THRB: variants seen among roughly 807,000 people sequenced by gnomAD.
The protein encoded by THRB is nuclear receptor subfamily 1 group A member 2.
In THRB, 12 loss-of-function variants were observed where a neutral mutation model predicts 47.8. The observed-to-expected ratio is 0.25, with a 90% CI of 0.16 to 0.41. The LOEUF (loss-of-function observed/expected upper bound fraction) is 0.41. THRB is among the 10% of genes least tolerant of loss of function. THRB has a pLI of 1.00. For synonymous variants in THRB, 218 were observed against 212.2 expected (o/e 1.03, Z -0.24); for missense variants, 348 against 589.2 (o/e 0.59, Z 4.24).
chr3:24,353,639 A>G (rs1192607821), intron 1 of THRB, among the ~76,000 whole-genome samples: 1 of 152,160 alleles, frequency 6.6e-6, no homozygotes, highest in African/African-American at 2.4e-5. Flanking sequence ...AAGGCAGGTT[A>G]ATCTGTTTTA....
intron 1 of THRB, among the ~76,000 whole-genome samples, chr3:24,350,020 T>TGTG (rs2063269901): frequency 6.6e-6 from 1 of 151,972 alleles, no homozygotes; most frequent in Admixed American, 6.6e-5. Context: ...TGAACTCCAA[T>TGTG]AAATCATTAA....
intron 1 of THRB, among the ~76,000 whole-genome samples, chr3:24,350,009 T>C (rs893031330): frequency 2.6e-5 from 4 of 151,962 alleles, no homozygotes; most frequent in African/African-American, 7.2e-5. Flanking sequence ...AGAATATATA[T>C]TGAACTCCAA....
chr3:24,156,706 A>C (rs1209712791), intron 5 of THRB, among the ~76,000 whole-genome samples: 1 of 152,212 alleles, frequency 6.6e-6, no homozygotes, highest in Non-Finnish European at 1.5e-5. Flanking sequence ...GACGGGATAG[A>C]GGATGAGACT....
intron 1 of THRB, among the ~76,000 whole-genome samples, chr3:24,420,061 G>A (rs918377824): frequency 1.3e-5 from 2 of 151,832 alleles, no homozygotes; most frequent in African/African-American, 4.8e-5. Flanking sequence ...ATCTTGCAGA[G>A]TTTTCCTAGA....
At chr3:24,184,361 A>G (rs1414426892) in intron 5 of THRB, among the ~76,000 whole-genome samples, 2 of 152,204 alleles carry the variant, frequency 1.3e-5, no homozygotes, top group African/African-American at 4.8e-5. Context: ...ATGGTTGGGT[A>G]CGTCTGCATC....
intron 1 of THRB, among the ~76,000 whole-genome samples, chr3:24,382,397 A>G (rs1477337426): frequency 1.3e-5 from 2 of 152,162 alleles, no homozygotes; most frequent in Non-Finnish European, 2.9e-5. Context: ...TTTTACAAAT[A>G]AGGAAAAATA....
Position 24,419,607 on chromosome 3 carries a change from C to T in THRB, c.-261+75045G>A, listed in dbSNP as rs569185816. ...AAATAGAATTCAGTTCTCTGGACTC[C>T]GAGTTCATTGCTCTGCAGAGATTTA... is the stretch of plus-strand genomic sequence containing the variant. On this transcript the variant is annotated intron_variant, in intron 1 of 10. Coordinates refer to ENST00000646209, the MANE Select transcript of THRB (RefSeq NM_001354712.2). 9.2e-5 allele frequency among the ~76,000 whole-genome samples: 14 copies of T among 151,988 alleles called. No homozygotes were observed. In the South Asian group the frequency reaches 1.7e-3, roughly 18 times the overall value.
intron 1 of THRB, among the ~76,000 whole-genome samples, chr3:24,349,365 G>T (rs1241789986): frequency 6.6e-6 from 1 of 151,888 alleles, no homozygotes; most frequent in East Asian, 1.9e-4. Flanking sequence ...CTAATTCTAA[G>T]ATATATGTGA....
chr3:24,321,875 A>G (rs181211543), intron 2 of THRB, among the ~76,000 whole-genome samples: 1 of 152,328 alleles, frequency 6.6e-6, no homozygotes, highest in East Asian at 1.9e-4. Context: ...AATGTAGAAT[A>G]TCTCATTAAT....
rs1414695343 is a variant in THRB, at chr3:24,119,804, T to C, written c.*3080A>G. Reference sequence around the variant, plus strand: ...CATAAAGAAGAAAACATCTTACTTTTTTCATTGTTTCTGGAAATACTGCAC... The same window carrying C: ...CATAAAGAAGAAAACATCTTACTTTCTTCATTGTTTCTGGAAATACTGCAC... On this transcript the variant is annotated 3_prime_UTR_variant, in exon 11 of 11. Coordinates refer to ENST00000646209, the MANE Select transcript of THRB (RefSeq NM_001354712.2). The C allele has an allele frequency of 6.6e-6, 1 of 152,190 alleles. No individual in the cohort carries two copies. Among genetic ancestry groups the C allele is most frequent in the Non-Finnish European group, 1.5e-5 (1 of 68,036 alleles). 9.4% of individuals were successfully genotyped at this position (152,190 alleles called of 1,614,324 possible).
At chr3:24,283,184 G>C (rs1478455788) in intron 3 of THRB, among the ~76,000 whole-genome samples, 2 of 151,998 alleles carry the variant, frequency 1.3e-5, no homozygotes, top group African/African-American at 4.8e-5. Flanking sequence ...AAAATCCTCA[G>C]TAAAATACTG....
At chr3:24,474,931 A>G (rs1279956029) in intron 1 of THRB, among the ~76,000 whole-genome samples, 1 of 152,254 alleles carries the variant, frequency 6.6e-6, no homozygotes, top group East Asian at 1.9e-4. Context: ...AGGTAGGATA[A>G]TGACTTAATA....
At chr3:24,339,674 T>G (rs1232222003) in intron 1 of THRB, among the ~76,000 whole-genome samples, 1 of 151,974 alleles carries the variant, frequency 6.6e-6, no homozygotes, top group South Asian at 2.1e-4. Context: ...AGTAGACAAA[T>G]TGAAAGTGAT....
At chr3:24,318,132 T>C (rs2149267395) in intron 2 of THRB, among the ~76,000 whole-genome samples, 1 of 152,250 alleles carries the variant, frequency 6.6e-6, no homozygotes, top group Non-Finnish European at 1.5e-5. Context: ...GAAGCGAAAA[T>C]TCAGAGTTCA....
At chr3:24,482,165 A>G (rs140443896) in intron 1 of THRB, among the ~76,000 whole-genome samples, 2 of 152,342 alleles carry the variant, frequency 1.3e-5, no homozygotes, top group African/African-American at 4.8e-5. Flanking sequence ...CATCCAAGGT[A>G]CAAGTTTACT....
intron 1 of THRB, among the ~76,000 whole-genome samples, chr3:24,436,853 C>A (rs139008449): frequency 1.3e-5 from 2 of 152,128 alleles, no homozygotes; most frequent in Non-Finnish European, 2.9e-5. Context: ...ACATGATGAT[C>A]AAAGAATCAG....
intron 5 of THRB, among the ~76,000 whole-genome samples, chr3:24,174,640 T>C (rs1208139038): frequency 6.6e-6 from 1 of 152,236 alleles, no homozygotes; most frequent in East Asian, 1.9e-4. Flanking sequence ...TACTCTTATC[T>C]CTTGCCACTT....
intron 4 of THRB, among the ~76,000 whole-genome samples, chr3:24,214,777 T>C (rs2046400005): frequency 6.6e-6 from 1 of 152,194 alleles, no homozygotes; most frequent in Admixed American, 6.5e-5. Context: ...CCTCCTCATC[T>C]CATTTGTAAA....
At chr3:24,156,972 A>G (rs1238937806) in intron 5 of THRB, among the ~76,000 whole-genome samples, 3 of 152,186 alleles carry the variant, frequency 2.0e-5, no homozygotes, top group African/African-American at 7.2e-5. Context: ...GCTTTATATC[A>G]TGTTAATCTT....
Sources: gnomAD v4.1 joint callset for allele counts (sites outside exome capture counted in the v4.1 genomes callset) on GRCh38, gnomAD v4.1.1 for gene constraint, MANE v1.5 for transcripts, NCBI Gene and HGNC (gene_info 2026-07-23, HGNC 2026-07-21) for gene names.